SLC24A1: variants seen among roughly 807,000 people sequenced by gnomAD.
SLC24A1 encodes solute carrier family 24 member 1, also known as sodium/potassium/calcium exchanger 1.
In SLC24A1, 52 loss-of-function variants were observed where a neutral mutation model predicts 88.1. The observed-to-expected ratio is 0.59, with a 90% CI of 0.47 to 0.74. The LOEUF (loss-of-function observed/expected upper bound fraction) is 0.74, where lower values mean the gene tolerates loss of function less well. Ranked by LOEUF, SLC24A1 falls within the 30% of genes least tolerant of loss-of-function variation. SLC24A1 has a pLI of 0.00. For missense variants in SLC24A1, 1,173 were observed against 1,363.3 expected (o/e 0.86, Z 2.20); for synonymous variants, 455 against 498.0 (o/e 0.91, Z 1.15).
chr15:65,624,975 G>C lies in SLC24A1; in HGVS notation c.895G>C (p.Val299Leu). Residue 299 changes from valine to leucine, a missense_variant, in exon 2 of 10, where the codon GTG (valine) becomes CTG (leucine). Val to Leu is a conservative substitution (Grantham distance 32). Transcript: ENST00000261892. ...CAGCTCAGCCCATCCCTGGGGGTTA[G>C]TGGGAAAGAGCAACCCGAAGACTCC... Reference protein sequence around the residue: ...SNSSAHPWGLVGKSNPKTPQG... With the variant: ...SNSSAHPWGLLGKSNPKTPQG... The C allele has an allele frequency of 6.2e-7, 1 of 1,608,314 alleles. No individual in the cohort carries two copies. Among genetic ancestry groups the C allele is most frequent in the South Asian group, 1.1e-5 (1 of 90,462 alleles).
chr15:65,639,286 G>T (rs1359331314), intron 3 of SLC24A1, among the ~76,000 whole-genome samples: 1 of 152,150 alleles, frequency 6.6e-6, no homozygotes, highest in Non-Finnish European at 1.5e-5. Flanking sequence ...TGTTTCTGAG[G>T]GTGTACTTGC....
At position 65,649,434 on chromosome 15, in the gene SLC24A1, C is replaced by G. The variant is rs578134270; in HGVS notation, c.2233-948C>G. Among the ~76,000 whole-genome samples, 13 of 152,302 alleles carry G rather than the reference C, an allele frequency of 8.5e-5. No homozygotes were observed. The Middle Eastern group carries it at 0.01, about 120-fold the overall frequency. On this transcript the variant is annotated intron_variant, in intron 6 of 9. Coordinates refer to ENST00000261892, the MANE Select transcript of SLC24A1 (RefSeq NM_004727.3). The stretch of plus-strand genomic sequence containing the variant: ...ATTTCTAATAAGCTCCTCAGGCTAC[C>G]AAGTTTGGGAGCCAGACATCTCATT...
At chr15:65,615,867 A>G in intron 2 of SLC24A1, among the ~76,000 whole-genome samples, 1 of 133,424 alleles carries the variant, frequency 7.5e-6, no homozygotes, top group African/African-American at 3.2e-5. Context: ...TCCTAATGCT[A>G]TCCCTCCCCC....
At chr15:65,627,727 C>T (rs1771651047) in intron 2 of SLC24A1, among the ~76,000 whole-genome samples, 1 of 152,210 alleles carries the variant, frequency 6.6e-6, no homozygotes, top group Non-Finnish European at 1.5e-5. Context: ...CAGCAGTTTC[C>T]AAAGTGCCTC....
chr15:65,619,266 T>A (rs964759862), upstream of SLC24A1, among the ~76,000 whole-genome samples: 13 of 152,200 alleles, frequency 8.5e-5, no homozygotes, highest in Non-Finnish European at 1.6e-4. Flanking sequence ...ATGAGAGACC[T>A]TAGGCTTGCT....
chr15:65,611,411 C>T, exon 1 of SLC24A1: 1 of 577,090 alleles, frequency 1.7e-6, no homozygotes, highest in Non-Finnish European at 3.1e-6. Flanking sequence ...CTGCATTGCC[C>T]TGAATCTCTC....
In SLC24A1 at chr15:65,638,190, C is replaced by T; in HGVS notation, c.1944+9C>T. 1 of 1,590,068 alleles carries T rather than the reference C, an allele frequency of 6.3e-7. No homozygotes were observed. The highest frequency in any genetic ancestry group is 1.7e-4 in the Middle Eastern group (1 of 5,944). ...ATAACAAGAAGCTGAAGGTGGGTGC[C>T]GTATGGAGTCTGCCCAGTGGGGACA... On this transcript the variant is annotated intron_variant, in intron 3 of 9. Coordinates refer to ENST00000261892, the MANE Select transcript of SLC24A1 (RefSeq NM_004727.3).
At chr15:65,621,329 C>G (rs2074312215), upstream of SLC24A1, among the ~76,000 whole-genome samples, 1 of 152,184 alleles carries the variant, frequency 6.6e-6, no homozygotes, top group Non-Finnish European at 1.5e-5. Context: ...GCGCGGGGGG[C>G]TCAGGGCACC....
chr15:65,623,200 T>G (rs1277425555), intron 1 of SLC24A1, among the ~76,000 whole-genome samples: 1 of 152,206 alleles, frequency 6.6e-6, no homozygotes. Context: ...CCTTCTGACC[T>G]TTGATCCTCA....
At chr15:65,627,802 CA>C (rs1373726760) in intron 2 of SLC24A1, among the ~76,000 whole-genome samples, 1 of 152,184 alleles carries the variant, frequency 6.6e-6, no homozygotes, top group Non-Finnish European at 1.5e-5. Context: ...CTCTGACCAT[CA>C]AAGCAAAGCT....
At chr15:65,616,912 AG>A (rs2074163931) in intron 2 of SLC24A1, among the ~76,000 whole-genome samples, 1 of 152,198 alleles carries the variant, frequency 6.6e-6, no homozygotes, top group South Asian at 2.1e-4. Context: ...ATAAGGTGTA[AG>A]GAAGGGATCC....
chr15:65,650,157 AG>A lies in SLC24A1; in HGVS notation c.2233-223del, dbSNP rs2075446622. On this transcript the variant is annotated intron_variant, in intron 6 of 9. Coordinates refer to ENST00000261892, the MANE Select transcript of SLC24A1 (RefSeq NM_004727.3). This position sits in a 1 kb window ranked among gnomAD's most constrained non-coding sequence, Gnocchi z 4.1. ...TGCCAAAGATGACAGAAGCTGCTTCAGGTGGTGAGCTTTCCACCCCTGGAAA... is the reference window on the plus strand; with the variant it reads ...TGCCAAAGATGACAGAAGCTGCTTCAGTGGTGAGCTTTCCACCCCTGGAAA... Among the ~76,000 whole-genome samples, 2 of 152,238 alleles carry A rather than the reference AG, an allele frequency of 1.3e-5. No individual in the cohort carries two copies. Among genetic ancestry groups the A allele is most frequent in the Admixed American group, 6.5e-5 (1 of 15,286 alleles).
chr15:65,616,409 A>G (rs1160263550), intron 2 of SLC24A1, among the ~76,000 whole-genome samples: 1 of 152,136 alleles, frequency 6.6e-6, no homozygotes, highest in African/African-American at 2.4e-5. Flanking sequence ...TGACTTTTTA[A>G]TGATCGCCAT....
chr15:65,656,497 T>G (rs1691315846), downstream of SLC24A1, among the ~76,000 whole-genome samples: 1 of 152,234 alleles, frequency 6.6e-6, no homozygotes. Context: ...GGTCACACAT[T>G]TACAAACGTA....
chr15:65,613,484 G>GTA (rs1370333819), intron 2 of SLC24A1, among the ~76,000 whole-genome samples: 1 of 151,434 alleles, frequency 6.6e-6, no homozygotes, highest in Admixed American at 6.6e-5. Context: ...GTGATTTTGT[G>GTA]TGTGTGTGTG....
rs753252226 is a variant in SLC24A1 at position 65,624,291 on chromosome 15, G to C, written c.211G>C (p.Glu71Gln). 6.2e-7 allele frequency: 1 copy of C among 1,613,822 alleles called. No homozygotes were observed. The highest frequency in any genetic ancestry group is 1.1e-5 in the South Asian group (1 of 91,060). The change falls in exon 2 of 10, where the codon GAG becomes CAG. Residue 71 changes from glutamate to glutamine, a missense_variant. Transcript: ENST00000261892. ...GGCCAGTCGGGACCTCTCCAGTGAA[G>C]AGATGATGATGATGAGCAGCAGCCC... ...KLASRDLSSE[E>Q]MMMMSSSPSK...
intron 5 of SLC24A1, among the ~76,000 whole-genome samples, chr15:65,644,955 G>T (rs1232949090): frequency 6.6e-6 from 1 of 152,232 alleles, no homozygotes; most frequent in African/African-American, 2.4e-5. Flanking sequence ...CAGGGGTCTG[G>T]TGTCACAGAA....
chr15:65,641,773 GTCCTGA>G, intron 4 of SLC24A1, among the ~76,000 whole-genome samples: 1 of 152,314 alleles, frequency 6.6e-6, no homozygotes, highest in South Asian at 2.1e-4. Context: ...CTCTAGCAAA[GTCCTGA>G]TGATAAAGAC....
intron 2 of SLC24A1, among the ~76,000 whole-genome samples, chr15:65,628,045 A>G (rs2074579613): frequency 6.6e-6 from 1 of 152,034 alleles, no homozygotes; most frequent in Non-Finnish European, 1.5e-5. Context: ...ACTGCAGCCT[A>G]GAACTCCTGG....
Sources: allele counts gnomAD v4.1 joint callset (sites outside exome capture counted in the v4.1 genomes callset), GRCh38; gene constraint gnomAD v4.1.1; non-coding constraint Gnocchi (gnomAD v3.1); transcripts MANE v1.5; gene names NCBI Gene and HGNC (gene_info 2026-07-23, HGNC 2026-07-21).